EPHA5: variants seen among roughly 807,000 people sequenced by gnomAD.
EPHA5 encodes EPH receptor A5.
A neutral mutation model predicts 105.0 loss-of-function variants in EPHA5; 60 were observed. The observed-to-expected ratio is 0.57, with a 90% confidence interval of 0.46 to 0.71. EPHA5 has a LOEUF of 0.71. EPHA5 is among the 30% of genes least tolerant of loss of function. The pLI, the probability that EPHA5 is intolerant of heterozygous loss-of-function variation, is 0.00. For synonymous variants in EPHA5, 513 were observed against 449.1 expected (o/e 1.14, Z -1.80); for missense variants, 1,218 against 1,274.7 (o/e 0.96, Z 0.68).
chr4:65,486,995 C>T (rs539239066), intron 5 of EPHA5, among the ~76,000 whole-genome samples: 2 of 152,220 alleles, frequency 1.3e-5, no homozygotes, highest in South Asian at 4.1e-4. Context: ...CAGCACCTTC[C>T]CTGTCTCTTG....
intron 2 of EPHA5, among the ~76,000 whole-genome samples, chr4:65,607,426 T>C (rs1432071122): frequency 4.0e-5 from 6 of 151,854 alleles, no homozygotes; most frequent in Non-Finnish European, 8.8e-5. Flanking sequence ...AATCTACCCA[T>C]CTGACAAAGG....
intron 2 of EPHA5, among the ~76,000 whole-genome samples, chr4:65,603,301 A>T (rs1425266762): frequency 1.3e-5 from 2 of 149,660 alleles, no homozygotes; most frequent in Non-Finnish European, 3.0e-5. Flanking sequence ...TTTATTTTTC[A>T]TAAAGAAGTA....
intron 5 of EPHA5, among the ~76,000 whole-genome samples, chr4:65,450,248 G>A (rs899699817): frequency 7.2e-5 from 11 of 152,132 alleles, no homozygotes; most frequent in African/African-American, 2.7e-4. Flanking sequence ...TTTAACTATA[G>A]AAATTGTTAT....
intron 5 of EPHA5, among the ~76,000 whole-genome samples, chr4:65,454,148 C>T (rs539575302): frequency 5.9e-5 from 9 of 152,070 alleles, no homozygotes; most frequent in Admixed American, 3.9e-4. Flanking sequence ...GGCATGGTGG[C>T]GCATGCCTGT....
intron 3 of EPHA5, among the ~76,000 whole-genome samples, chr4:65,579,365 T>TATAA (rs1560726937): frequency 4.8e-5 from 7 of 146,870 alleles, no homozygotes; most frequent in Non-Finnish European, 1.0e-4. Flanking sequence ...TGTGTATATA[T>TATAA]ATATATATAT....
At position 65,365,923 on chromosome 4, in the gene EPHA5, T is replaced by C; in HGVS notation, c.1987+9A>G. ...AAGTTAAAAATGAAAGTCAAACACA[T>C]TGTCGTACCTGCTCCAATAACTCTC... On this transcript the variant is annotated intron_variant, in intron 10 of 16. Transcript: ENST00000613740. 1.3e-6 allele frequency: 2 copies of C among 1,597,868 alleles called. No individual in the cohort carries two copies. The highest frequency in any genetic ancestry group is 1.7e-6 in the Non-Finnish European group (2 of 1,168,438).
chr4:65,482,846 T>A (rs950957645), intron 5 of EPHA5, among the ~76,000 whole-genome samples: 4 of 94,552 alleles, frequency 4.2e-5, no homozygotes, highest in African/African-American at 1.2e-4. Context: ...TTTTCCTTTT[T>A]TTTTTTAGAG....
chr4:65,496,292 A>T (rs1731926792), intron 3 of EPHA5, among the ~76,000 whole-genome samples: 1 of 151,470 alleles, frequency 6.6e-6, no homozygotes, highest in Non-Finnish European at 1.5e-5. Context: ...GGTTAGTTAC[A>T]TATGTATACA....
chr4:65,607,503 C>G (rs947787767), intron 2 of EPHA5, among the ~76,000 whole-genome samples: 12 of 146,148 alleles, frequency 8.2e-5, no homozygotes, highest in Non-Finnish European at 1.5e-4. Flanking sequence ...AAAAAAAAAA[C>G]ATCAAAAAGT....
intron 5 of EPHA5, among the ~76,000 whole-genome samples, chr4:65,432,193 T>C (rs1315641844): frequency 6.6e-6 from 1 of 152,176 alleles, no homozygotes; most frequent in Admixed American, 6.6e-5. Context: ...AAATAACCAA[T>C]TCTTGTAAAT....
rs114526588 is a variant in EPHA5 at position 65,357,469 on chromosome 4, T to A, written c.2174-4366A>T. ...AAACTTGGGAATCACAAATATGTCA[T>A]AACTATTCAACCATTGATGGCAGAT... On this transcript the variant is annotated intron_variant, in intron 11 of 16. Transcript: ENST00000613740. Among the ~76,000 whole-genome samples the A allele has an allele frequency of 4.0e-3, 600 of 151,690 alleles. 6 individuals carry two copies. The highest frequency in any genetic ancestry group is 0.014 in the African/African-American group (574 of 41,498).
chr4:65,350,983 CAT>C (rs1722757730), intron 13 of EPHA5, among the ~76,000 whole-genome samples: 1 of 151,190 alleles, frequency 6.6e-6, no homozygotes, highest in African/African-American at 2.4e-5. Context: ...TAATATTATA[CAT>C]GTTTACTTAT....
chr4:65,400,093 T>C (rs1721666606), intron 8 of EPHA5, among the ~76,000 whole-genome samples: 1 of 152,138 alleles, frequency 6.6e-6, no homozygotes. Flanking sequence ...TGAAAAACTT[T>C]CTCAAACATT....
At position 65,581,422 on chromosome 4, in the gene EPHA5, T is replaced by C. The variant is rs1741616286; in HGVS notation, c.910+20219A>G. 1.3e-5 allele frequency among the ~76,000 whole-genome samples: 2 copies of C among 151,750 alleles called. 1 individual carries two copies. The highest frequency in any genetic ancestry group is 4.1e-4 in the South Asian group (2 of 4,836). On this transcript the variant is annotated intron_variant, in intron 3 of 16. Coordinates refer to ENST00000613740, the MANE Select transcript of EPHA5 (RefSeq NM_001281766.3). The stretch of plus-strand genomic sequence containing the variant: ...AATTATTTTTACATATCCTACAAAG[T>C]CAATCTCTTATTTTAAAGACTAACC...
At chr4:65,329,148 C>A (rs1336487551) in intron 16 of EPHA5, among the ~76,000 whole-genome samples, 1 of 151,318 alleles carries the variant, frequency 6.6e-6, no homozygotes, top group African/African-American at 2.4e-5. Context: ...TCACAATTAT[C>A]CCTGTTGACA....
At chr4:65,461,402 A>G (rs1728108150) in intron 5 of EPHA5, among the ~76,000 whole-genome samples, 1 of 152,046 alleles carries the variant, frequency 6.6e-6, no homozygotes, top group Admixed American at 6.6e-5. Flanking sequence ...ATTACTGTAA[A>G]TCTAAATATG....
At chr4:65,514,160 CT>C (rs1309070724) in intron 3 of EPHA5, among the ~76,000 whole-genome samples, 6 of 152,104 alleles carry the variant, frequency 3.9e-5, no homozygotes, top group Non-Finnish European at 8.8e-5. Flanking sequence ...CCCTTTGCTC[CT>C]TATTGCACCT....
At chr4:65,598,216 A>G (rs961470291) in intron 3 of EPHA5, among the ~76,000 whole-genome samples, 1 of 152,086 alleles carries the variant, frequency 6.6e-6, no homozygotes, top group Non-Finnish European at 1.5e-5. Context: ...GGCTTCTCTA[A>G]TAGTATGTGA....
chr4:65,449,756 T>C (rs1207304337), intron 5 of EPHA5, among the ~76,000 whole-genome samples: 1 of 152,104 alleles, frequency 6.6e-6, no homozygotes, highest in African/African-American at 2.4e-5. Context: ...TGTGTCCTCA[T>C]ACAAAAGAGA....
Sources: gnomAD v4.1 joint callset for allele counts (sites outside exome capture counted in the v4.1 genomes callset) on GRCh38, gnomAD v4.1.1 for gene constraint, MANE v1.5 for transcripts, NCBI Gene and HGNC (gene_info 2026-07-23, HGNC 2026-07-21) for gene names.